The following PTPN4 variants were observed in gnomAD, a reference collection of about 807,000 sequenced individuals.
The protein encoded by PTPN4 is protein tyrosine phosphatase non-receptor type 4.
Under a neutral mutation model 135.5 loss-of-function variants are expected in PTPN4, and 49 were observed. The observed-to-expected ratio is 0.36, with a 90% confidence interval of 0.29 to 0.46. The LOEUF is 0.46. Among genes scored for constraint, PTPN4 ranks in the 20% least tolerant of loss-of-function variants. The pLI is 1.00. For synonymous variants in PTPN4, 333 were observed against 369.9 expected (o/e 0.90, Z 1.14); for missense variants, 860 against 1,101.0 (o/e 0.78, Z 3.10).
intron 24 of PTPN4, among the ~76,000 whole-genome samples, chr2:119,963,878 C>T (rs1679406938): frequency 6.6e-6 from 1 of 152,140 alleles, no homozygotes; most frequent in Admixed American, 6.5e-5. Flanking sequence ...CTCTATTATA[C>T]TCCACCTGTA....
At chr2:119,772,368 C>T (rs1018028629) in intron 1 of PTPN4, among the ~76,000 whole-genome samples, 1 of 152,072 alleles carries the variant, frequency 6.6e-6, no homozygotes, top group African/African-American at 2.4e-5. Context: ...AAAAGAATTT[C>T]GTAACCAACA....
chr2:119,929,819 C>T (rs565662906), intron 13 of PTPN4, among the ~76,000 whole-genome samples: 10 of 152,214 alleles, frequency 6.6e-5, no homozygotes, highest in South Asian at 2.1e-4. Context: ...AGTGTTCTGA[C>T]GCTTCAGACT....
intron 9 of PTPN4, among the ~76,000 whole-genome samples, chr2:119,887,575 AG>A (rs1678178094): frequency 6.6e-6 from 1 of 152,176 alleles, no homozygotes; most frequent in Non-Finnish European, 1.5e-5. Context: ...CTAGATGTCC[AG>A]TTTTCTTCCT....
At chr2:119,931,196 T>C in intron 13 of PTPN4, among the ~76,000 whole-genome samples, 1 of 152,216 alleles carries the variant, frequency 6.6e-6, no homozygotes, top group Admixed American at 6.5e-5. Context: ...TGATTTATTA[T>C]ATACTTTATA....
At chr2:119,962,575 T>G (rs1679382085) in intron 23 of PTPN4, 41 bp from the exon 24 acceptor site, 1 of 1,096,512 alleles carries the variant, frequency 9.1e-7, no homozygotes, top group Non-Finnish European at 1.2e-6. Flanking sequence ...TGAATCCATA[T>G]GTATATAATT....
chr2:119,890,001 T>G (rs1209434055), intron 9 of PTPN4, among the ~76,000 whole-genome samples: 1 of 152,208 alleles, frequency 6.6e-6, no homozygotes, highest in Non-Finnish European at 1.5e-5. Context: ...CATTGTTCAG[T>G]GGAATGTTCT....
intron 9 of PTPN4, among the ~76,000 whole-genome samples, chr2:119,886,366 T>C (rs1013910134): frequency 4.6e-5 from 7 of 152,208 alleles, no homozygotes; most frequent in East Asian, 1.9e-4. Flanking sequence ...TGAAGTGGAA[T>C]TTATAGTCAC....
At chr2:119,808,652 G>A (rs1420952006) in intron 1 of PTPN4, among the ~76,000 whole-genome samples, 5 of 152,052 alleles carry the variant, frequency 3.3e-5, no homozygotes, top group Non-Finnish European at 4.4e-5. Context: ...TCAAACTCTT[G>A]TCCTGAAGCA....
chr2:119,931,371 C>T (rs1318211635), intron 13 of PTPN4, among the ~76,000 whole-genome samples: 3 of 149,382 alleles, frequency 2.0e-5, no homozygotes, highest in African/African-American at 4.9e-5. Flanking sequence ...TTTATGATCT[C>T]TGCATAGATC....
chr2:119,808,456 G>A (rs1387856673), intron 1 of PTPN4, among the ~76,000 whole-genome samples: 2 of 152,148 alleles, frequency 1.3e-5, no homozygotes, highest in Admixed American at 1.3e-4. Flanking sequence ...CAAATCATGA[G>A]TGAACTCCCA....
In PTPN4 at chr2:119,808,302, T is replaced by C. The variant is rs1005200385; in HGVS notation, c.-17-1535T>C. Among the ~76,000 whole-genome samples, 58 of 151,876 alleles carry C rather than the reference T, an allele frequency of 3.8e-4. 1 individual carries two copies. The highest frequency in any genetic ancestry group is 1.3e-3 in the African/African-American group (54 of 41,414). On this transcript the variant is annotated intron_variant, in intron 1 of 26. Transcript: ENST00000263708. ...AAGTCAAATTGTCCCTGTTTGCAGATGACATGATTGTATATATAGAAAACC... is the reference window on the plus strand; with the variant it reads ...AAGTCAAATTGTCCCTGTTTGCAGACGACATGATTGTATATATAGAAAACC...
At chr2:119,967,304 C>G (rs1185046748) in intron 25 of PTPN4, among the ~76,000 whole-genome samples, 1 of 152,072 alleles carries the variant, frequency 6.6e-6, no homozygotes, top group Non-Finnish European at 1.5e-5. Context: ...AAAAAATTAG[C>G]CAGGTGTGGT....
At chr2:119,912,131 T>C (rs1414071550) in intron 10 of PTPN4, among the ~76,000 whole-genome samples, 3 of 152,118 alleles carry the variant, frequency 2.0e-5, no homozygotes, top group Non-Finnish European at 4.4e-5. Context: ...AAAAACACAA[T>C]GCAGATGAAT....
At chr2:119,889,471 G>T (rs563436363) in intron 9 of PTPN4, among the ~76,000 whole-genome samples, 29 of 152,226 alleles carry the variant, frequency 1.9e-4, no homozygotes, top group East Asian at 1.7e-3. Flanking sequence ...AGTATCAGTT[G>T]CAGTGTCTCC....
In PTPN4 at chr2:119,893,586, A is replaced by T. The variant is rs1166926143; in HGVS notation, c.676-7132A>T. Among the ~76,000 whole-genome samples the T allele has an allele frequency of 2.0e-5, 3 of 152,136 alleles. No individual in the cohort carries two copies. In the South Asian group the frequency reaches 6.2e-4, roughly 32 times the overall value. On this transcript the variant is annotated intron_variant, in intron 9 of 26. Transcript: ENST00000263708. ...ATGAGATGAGAGCACTGAGGAAGTA[A>T]ATTTAGTAGATGTTGAAGAGAACAG...
In PTPN4 at chr2:119,934,826, G is replaced by C; in HGVS notation, c.1223G>C (p.Gly408Ala). 6.2e-7 allele frequency: 1 copy of C among 1,613,922 alleles called. No homozygotes were observed. The highest frequency in any genetic ancestry group is 2.2e-5 in the East Asian group (1 of 44,872). The change falls in exon 15 of 27, where the codon GGA (glycine) becomes GCA (alanine). Residue 408 changes from glycine (G) to alanine (A), a missense_variant. By Grantham distance (60) the Gly-to-Ala change is moderately conservative. Around this residue, in one of 2 missense-constraint regions of PTPN4, gnomAD observed 684 missense variants for 807.0 expected, o/e 0.85. Coordinates refer to ENST00000263708, the MANE Select transcript of PTPN4 (RefSeq NM_002830.4). ...NHRNSTFTQE[G>A]TRLRPSSVGH... is the part of the protein sequence containing the mutation. ...CGAAATTCTACATTCACGCAGGAAG[G>C]AACCCGGTTACGACCATCTTCAGTT...
intron 9 of PTPN4, among the ~76,000 whole-genome samples, chr2:119,887,882 G>T (rs887797709): frequency 6.6e-6 from 1 of 152,054 alleles, no homozygotes; most frequent in African/African-American, 2.4e-5. Flanking sequence ...TTAATTTTAG[G>T]ATTGTTTTTT....
chr2:119,913,828 A>G (rs1678608742), intron 10 of PTPN4, among the ~76,000 whole-genome samples: 1 of 152,216 alleles, frequency 6.6e-6, no homozygotes, highest in African/African-American at 2.4e-5. Context: ...TGACAGAAAC[A>G]TTGAAAAAGA....
chr2:119,919,459 A>T lies in PTPN4; in HGVS notation c.829-610A>T, dbSNP rs944216805. The stretch of plus-strand genomic sequence containing the variant: ...AAACAGAGTCATAGCTAATGTTGAA[A>T]ACAGATACATATTAAAAGTTTGAAC... On this transcript the variant is annotated intron_variant, in intron 11 of 26. Coordinates refer to ENST00000263708, the MANE Select transcript of PTPN4 (RefSeq NM_002830.4). 4.6e-5 allele frequency among the ~76,000 whole-genome samples: 7 copies of T among 152,256 alleles called. No homozygotes were observed. In the East Asian group the frequency reaches 1.4e-3, roughly 29 times the overall value.
Sources: allele counts gnomAD v4.1 joint callset (sites outside exome capture counted in the v4.1 genomes callset), GRCh38; gene constraint gnomAD v4.1.1; regional missense constraint gnomAD v4.1.1; transcripts MANE v1.5; gene names NCBI Gene and HGNC (gene_info 2026-07-23, HGNC 2026-07-21).